Variants in TNPO1 observed in about 807,000 individuals in gnomAD.
TNPO1 encodes the protein transportin-1.
In TNPO1, 8 loss-of-function variants were observed where a neutral mutation model predicts 119.5. That is an observed-to-expected ratio of 0.07 (90% CI 0.04 to 0.12). TNPO1 has a LOEUF of 0.12. TNPO1 is among the 10% of genes least tolerant of loss of function. TNPO1 has a pLI of 1.00. For synonymous variants in TNPO1, 362 were observed against 363.0 expected, an observed-to-expected ratio of 1.00 and a Z score of 0.03; for missense variants, 576 against 1,089.8, an observed-to-expected ratio of 0.53 and a Z score of 6.64.
chr5:72,905,919 C>T (rs759193238), intron 24 of TNPO1, among the ~76,000 whole-genome samples: 7 of 152,038 alleles, frequency 4.6e-5, no homozygotes, highest in Admixed American at 2.0e-4. Flanking sequence ...AATAAAATTA[C>T]TCAAGTGAAG....
chr5:72,903,926 T>A, intron 23 of TNPO1, 143 bp downstream of exon 23: 1 of 524,710 alleles, frequency 1.9e-6, no homozygotes, highest in Middle Eastern at 2.8e-4. Context: ...TTATTCTTGG[T>A]AACAAAGTTG....
intron 1 of TNPO1, among the ~76,000 whole-genome samples, chr5:72,843,180 T>G (rs1744986240): frequency 6.6e-6 from 1 of 152,224 alleles, no homozygotes; most frequent in African/African-American, 2.4e-5. Flanking sequence ...AATGTCTTGT[T>G]AGATAGTCAC....
At position 72,900,064 on chromosome 5, in the gene TNPO1, G is replaced by A; in HGVS notation, c.2397G>A (p.Gln799=). ...CTCAAGAGGTGGCCCCCATGCTACA[G>A]CAGTTTATAAGACCCTGGTGTGTAT... is the stretch of plus-strand genomic sequence containing the variant. ...VCPQEVAPML[Q]QFIRPWCTSL... The change falls in exon 21 of 25, where the codon CAG becomes CAA. Residue 799 remains glutamine, a synonymous_variant. Coordinates refer to ENST00000337273, the MANE Select transcript of TNPO1 (RefSeq NM_002270.4). 2 of 1,613,728 alleles carry A rather than the reference G, an allele frequency of 1.2e-6. No homozygotes were observed. Among genetic ancestry groups the A allele is most frequent in the South Asian group, 2.2e-5 (2 of 91,054 alleles).
intron 1 of TNPO1, among the ~76,000 whole-genome samples, chr5:72,841,366 G>A (rs897607929): frequency 3.3e-5 from 5 of 152,140 alleles, no homozygotes; most frequent in East Asian, 3.9e-4. Flanking sequence ...CGATCCACCC[G>A]CCTCAGCCTC....
At chr5:72,861,006 G>A (rs1255422045) in intron 4 of TNPO1, among the ~76,000 whole-genome samples, 1 of 151,370 alleles carries the variant, frequency 6.6e-6, no homozygotes, top group Non-Finnish European at 1.5e-5. Context: ...TCCGCCTCCC[G>A]GGTTCAAGCG....
intron 19 of TNPO1, 80 bp from the exon 20 acceptor site, chr5:72,896,976 G>A (rs913973710): frequency 8.1e-6 from 6 of 743,342 alleles, no homozygotes; most frequent in South Asian, 3.1e-5. Flanking sequence ...GAGTTAATAC[G>A]GGAAGCAAAA....
At chr5:72,902,669 C>T (rs1268462395) in intron 22 of TNPO1, among the ~76,000 whole-genome samples, 1 of 152,024 alleles carries the variant, frequency 6.6e-6, no homozygotes, top group African/African-American at 2.4e-5. Context: ...AAAAGTAGCA[C>T]ATGTATGATC....
intron 23 of TNPO1, among the ~76,000 whole-genome samples, chr5:72,904,267 T>C (rs557956525): frequency 1.3e-5 from 2 of 152,336 alleles, no homozygotes; most frequent in East Asian, 3.9e-4. Flanking sequence ...TAGTTTGTCG[T>C]GAACTCAAAG....
At chr5:72,858,953 G>GT (rs35567162) in intron 4 of TNPO1, among the ~76,000 whole-genome samples, 11,302 of 135,650 alleles carry the variant, frequency 0.083, 1,360 homozygotes, top group African/African-American at 0.28. Context: ...ATCTGGGAAG[G>GT]TTTTTTTTTT....
In TNPO1 at chr5:72,863,458, G is replaced by A. The variant is rs573673944; in HGVS notation, c.462+1544G>A. Among the ~76,000 whole-genome samples the A allele has an allele frequency of 1.8e-3, 270 of 152,088 alleles. 1 individual carries two copies. The highest frequency in any genetic ancestry group is 6.8e-3 in the Middle Eastern group (2 of 294). ...AAGAAATTGGCCAGGTGTGATGTGTGCCTGTGGTCCCAGCTACTCAGGAGG... is the reference window on the plus strand; with the variant it reads ...AAGAAATTGGCCAGGTGTGATGTGTACCTGTGGTCCCAGCTACTCAGGAGG... On this transcript the variant is annotated intron_variant, in intron 5 of 24. Transcript: ENST00000337273.
chr5:72,863,739 C>CAAAAAAA (rs1197299206), intron 5 of TNPO1, among the ~76,000 whole-genome samples: 2 of 69,686 alleles, frequency 2.9e-5, no homozygotes. Flanking sequence ...CCAGCCATCT[C>CAAAAAAA]AAAAAAAAAA....
At chr5:72,823,275 C>T (rs1485356382) in intron 1 of TNPO1, among the ~76,000 whole-genome samples, 1 of 151,988 alleles carries the variant, frequency 6.6e-6, no homozygotes, top group African/African-American at 2.4e-5. Context: ...TGAATTATGT[C>T]ATAAAGGCCC....
At chr5:72,839,253 G>A (rs1367803979) in intron 1 of TNPO1, among the ~76,000 whole-genome samples, 1 of 152,136 alleles carries the variant, frequency 6.6e-6, no homozygotes, top group Non-Finnish European at 1.5e-5. Flanking sequence ...GGTTTTTAAT[G>A]TGTAGGCTTA....
chr5:72,887,954 TGTA>T (rs1266447290), intron 12 of TNPO1, 121 bp from the exon 13 acceptor site: 4 of 865,600 alleles, frequency 4.6e-6, no homozygotes, highest in Non-Finnish European at 5.3e-6. Flanking sequence ...TATAGGTTAT[TGTA>T]GTATGTGTAT....
chr5:72,865,514 C>A, intron 5 of TNPO1, 82 bp from the exon 6 acceptor site: 2 of 1,452,020 alleles, frequency 1.4e-6, no homozygotes, highest in South Asian at 1.2e-5. Context: ...TTAGTCCATA[C>A]AAATTAATCA....
intron 8 of TNPO1, among the ~76,000 whole-genome samples, chr5:72,876,788 A>G (rs1747811227): frequency 6.6e-6 from 1 of 152,110 alleles, no homozygotes; most frequent in Non-Finnish European, 1.5e-5. Flanking sequence ...ATAGTCACCT[A>G]GGAAACTTTA....
At chr5:72,884,858 A>C (rs1748508518) in intron 11 of TNPO1, among the ~76,000 whole-genome samples, 1 of 152,134 alleles carries the variant, frequency 6.6e-6, no homozygotes, top group African/African-American at 2.4e-5. Flanking sequence ...GCCTCTACCC[A>C]AAGATGCCAG....
intron 9 of TNPO1, among the ~76,000 whole-genome samples, chr5:72,880,585 CG>C (rs1748167673): frequency 6.6e-6 from 1 of 152,082 alleles, no homozygotes; most frequent in Non-Finnish European, 1.5e-5. Flanking sequence ...GAGTCCAAGG[CG>C]GGTGTATCAC....
chr5:72,889,497 A>G (rs1183038897), intron 13 of TNPO1, among the ~76,000 whole-genome samples: 2 of 152,002 alleles, frequency 1.3e-5, no homozygotes, highest in Admixed American at 6.6e-5. Flanking sequence ...TTAGCTATTA[A>G]TTGTTAAGCA....
Sources: gnomAD v4.1 joint callset for allele counts (sites outside exome capture counted in the v4.1 genomes callset) on GRCh38, gnomAD v4.1.1 for gene constraint, MANE v1.5 for transcripts, NCBI Gene and HGNC (gene_info 2026-07-23, HGNC 2026-07-21) for gene names.